Variants in KDM4C observed in about 807,000 individuals in gnomAD.
The protein encoded by KDM4C is lysine demethylase 4C.
KDM4C carries 81 observed loss-of-function variants against 129.3 expected under a neutral mutation model. The ratio of observed to expected loss-of-function variants is 0.63; its 90% CI spans 0.52 to 0.75. The LOEUF (loss-of-function observed/expected upper bound fraction) is 0.75, where lower values mean the gene tolerates loss of function less well. Among genes scored for constraint, KDM4C ranks in the 30% least tolerant of loss-of-function variants. The pLI, the probability that KDM4C is intolerant of heterozygous loss-of-function variation, is 0.00. For missense variants in KDM4C, 1,457 were observed against 1,304.0 expected (o/e 1.12, Z -1.81); for synonymous variants, 573 against 456.1 (o/e 1.26, Z -3.26).
chr9:6,911,044 G>A (rs1819203762), intron 8 of KDM4C, among the ~76,000 whole-genome samples: 1 of 152,114 alleles, frequency 6.6e-6, no homozygotes, highest in African/African-American at 2.4e-5. Flanking sequence ...CGTCATCTTT[G>A]CAGGGTTTTA....
chr9:6,995,702 C>G (rs1165880418), intron 12 of KDM4C, among the ~76,000 whole-genome samples: 1 of 151,880 alleles, frequency 6.6e-6, no homozygotes, highest in East Asian at 1.9e-4. Flanking sequence ...GATGGCGTCT[C>G]GCACTGTCGC....
intron 8 of KDM4C, among the ~76,000 whole-genome samples, chr9:6,968,255 C>G (rs1831345745): frequency 6.6e-6 from 1 of 152,134 alleles, no homozygotes; most frequent in Non-Finnish European, 1.5e-5. Context: ...GTGGGAGATT[C>G]ACTTGAGATC....
chr9:7,131,159 G>A (rs1840593108), intron 19 of KDM4C, among the ~76,000 whole-genome samples: 1 of 152,050 alleles, frequency 6.6e-6, no homozygotes, highest in Non-Finnish European at 1.5e-5. Context: ...CTCCTTTTGT[G>A]CTCCCCACTG....
intron 2 of KDM4C, among the ~76,000 whole-genome samples, chr9:6,804,595 TA>T (rs1829625742): frequency 6.6e-6 from 1 of 151,898 alleles, no homozygotes. Context: ...CTGTCTCTAC[TA>T]AAAATACAAA....
At chr9:7,012,984 T>G (rs184373803) in intron 13 of KDM4C, among the ~76,000 whole-genome samples, 4 of 152,316 alleles carry the variant, frequency 2.6e-5, no homozygotes, top group Admixed American at 1.3e-4. Flanking sequence ...ATTTATTCCC[T>G]TCATGTTTTT....
intron 1 of KDM4C, among the ~76,000 whole-genome samples, chr9:6,779,120 C>G (rs889189936): frequency 6.8e-6 from 1 of 148,142 alleles, no homozygotes; most frequent in Non-Finnish European, 1.5e-5. Context: ...GCTCCACCTT[C>G]CGGGTTCAAG....
intron 7 of KDM4C, among the ~76,000 whole-genome samples, chr9:6,891,222 C>T (rs1846075072): frequency 6.6e-6 from 1 of 152,058 alleles, no homozygotes; most frequent in African/African-American, 2.4e-5. Context: ...TTATCCATAG[C>T]ACCATTATTC....
chr9:7,041,228 A>G (rs1828549183), intron 15 of KDM4C, among the ~76,000 whole-genome samples: 1 of 151,518 alleles, frequency 6.6e-6, no homozygotes, highest in Admixed American at 6.6e-5. Flanking sequence ...TAATTGATAC[A>G]GTATAACAAT....
chr9:7,056,370 A>G (rs1269308904), intron 17 of KDM4C, among the ~76,000 whole-genome samples: 1 of 151,382 alleles, frequency 6.6e-6, no homozygotes. Flanking sequence ...AAAGTACATT[A>G]GTAGCTGTAT....
chr9:7,148,088 A>AG (rs763605087), intron 19 of KDM4C, among the ~76,000 whole-genome samples: 163 of 152,338 alleles, frequency 1.1e-3, no homozygotes, highest in East Asian at 1.7e-3. Flanking sequence ...GGGCAGCTCC[A>AG]GGTGCCGGCT....
chr9:6,723,409 G>C (rs1817021081), intron 1 of KDM4C: 1 of 150,828 alleles, frequency 6.6e-6, no homozygotes, highest in African/African-American at 2.4e-5. Flanking sequence ...TGTAGATGCT[G>C]AGCAGAAGGC....
chr9:7,067,150 C>G (rs1832535078), intron 17 of KDM4C, among the ~76,000 whole-genome samples: 1 of 152,216 alleles, frequency 6.6e-6, no homozygotes, highest in South Asian at 2.1e-4. Context: ...TTTAGCTGGG[C>G]AATCACCATT....
intron 17 of KDM4C, among the ~76,000 whole-genome samples, chr9:7,061,227 GTTA>G (rs1172428425): frequency 3.9e-5 from 6 of 152,268 alleles, no homozygotes; most frequent in Admixed American, 2.6e-4. Context: ...GAGGGTTTAT[GTTA>G]TTATTGCTTT....
At chr9:6,781,916 CT>C (rs1824430866) in intron 1 of KDM4C, among the ~76,000 whole-genome samples, 1 of 151,948 alleles carries the variant, frequency 6.6e-6, no homozygotes, top group Non-Finnish European at 1.5e-5. Flanking sequence ...TCTCAGCCTC[CT>C]GGGTTCAGGC....
intron 19 of KDM4C, among the ~76,000 whole-genome samples, chr9:7,163,820 C>CTTTTT (rs1258558056): frequency 6.6e-6 from 1 of 152,178 alleles, no homozygotes; most frequent in Non-Finnish European, 1.5e-5. Flanking sequence ...GATAGACTTA[C>CTTTTT]TTTCATTTGG....
chr9:7,064,567 G>C (rs561630598), intron 17 of KDM4C, among the ~76,000 whole-genome samples: 26 of 152,324 alleles, frequency 1.7e-4, no homozygotes, highest in African/African-American at 6.0e-4. Context: ...ATAAAGCCAA[G>C]GTCCTGGCAT....
At chr9:7,057,868 A>G (rs1315364528) in intron 17 of KDM4C, among the ~76,000 whole-genome samples, 2 of 152,240 alleles carry the variant, frequency 1.3e-5, no homozygotes, top group African/African-American at 4.8e-5. Flanking sequence ...TCTCTAAAAC[A>G]GAAGTTCAGA....
Position 6,853,848 on chromosome 9 carries a change from C to A in KDM4C, c.629+4148C>A, listed in dbSNP as rs141690050. ...GTCACTTACTGGGAATGACTTAGGG[C>A]AAATCACTACACTCCTTTCATCATG... On this transcript the variant is annotated intron_variant, in intron 5 of 21. Coordinates refer to ENST00000381309, the MANE Select transcript of KDM4C (RefSeq NM_015061.6). Among the ~76,000 whole-genome samples, 1,285 of 152,226 alleles carry A rather than the reference C, an allele frequency of 8.4e-3. 17 individuals carry two copies. Among genetic ancestry groups the A allele is most frequent in the African/African-American group, 0.029 (1,222 of 41,532 alleles).
At chr9:6,757,551 C>T, upstream of KDM4C, 1 of 866,416 alleles carries the variant, frequency 1.2e-6, no homozygotes, top group African/African-American at 1.8e-5. Context: ...CGCCGGAGAG[C>T]TGCGAGCCCC....
Sources: allele counts gnomAD v4.1 joint callset (sites outside exome capture counted in the v4.1 genomes callset), GRCh38; gene constraint gnomAD v4.1.1; transcripts MANE v1.5; gene names NCBI Gene and HGNC (gene_info 2026-07-23, HGNC 2026-07-21).